Variants in DACH1 observed in about 807,000 individuals in gnomAD.
DACH1 encodes dachshund homolog 1.
DACH1 carries 12 observed loss-of-function variants against 54.2 expected under a neutral mutation model. The ratio of observed to expected loss-of-function variants is 0.22; its 90% confidence interval spans 0.14 to 0.36. The LOEUF (loss-of-function observed/expected upper bound fraction) is 0.36. Among genes scored for constraint, DACH1 ranks in the 10% least tolerant of loss-of-function variants. The pLI, the probability that DACH1 is intolerant of heterozygous loss-of-function variation, is 1.00. For synonymous variants in DACH1, 386 were observed against 366.2 expected, an observed-to-expected ratio of 1.05 and a Z score of -0.62; for missense variants, 805 against 929.8, an observed-to-expected ratio of 0.87 and a Z score of 1.75.
At chr13:71,865,183 C>T (rs1593665485) in intron 1 of DACH1, among the ~76,000 whole-genome samples, 1 of 152,148 alleles carries the variant, frequency 6.6e-6, no homozygotes, top group East Asian at 2.0e-4. Flanking sequence ...CGCACTCGCT[C>T]ACACGCGGAC....
intron 7 of DACH1, among the ~76,000 whole-genome samples, chr13:71,485,493 AT>A (rs1269080621): frequency 2.7e-5 from 4 of 147,292 alleles, no homozygotes; most frequent in Admixed American, 6.8e-5. Flanking sequence ...TTTAAATATA[AT>A]TTTTTATATA....
chr13:71,698,140 C>T (rs1288924936), intron 1 of DACH1, among the ~76,000 whole-genome samples: 1 of 151,970 alleles, frequency 6.6e-6, no homozygotes, highest in Non-Finnish European at 1.5e-5. Flanking sequence ...TACAGTGAGC[C>T]GCGCCACTGC....
Position 71,439,307 on chromosome 13 carries a change from T to G in DACH1, c.*1348A>C, listed in dbSNP as rs1354100018. 1 of 152,448 alleles carries G rather than the reference T, an allele frequency of 6.6e-6. No individual in the cohort carries two copies. The highest frequency in any genetic ancestry group is 2.4e-5 in the African/African-American group (1 of 41,446). 9.4% of individuals were successfully genotyped at this position (152,448 alleles called of 1,614,324 possible). On this transcript the variant is annotated 3_prime_UTR_variant, in exon 11 of 11. Transcript: ENST00000613252. ...GGTAACTTTAGCATGTAATAAGCACTGTTTGCCGCTTTACTTCCAGTTATC... is the reference window on the plus strand; with the variant it reads ...GGTAACTTTAGCATGTAATAAGCACGGTTTGCCGCTTTACTTCCAGTTATC...
intron 6 of DACH1, among the ~76,000 whole-genome samples, chr13:71,506,689 T>A (rs1172994552): frequency 6.6e-6 from 1 of 152,100 alleles, no homozygotes; most frequent in Non-Finnish European, 1.5e-5. Context: ...AGCAGCATGG[T>A]ACTGGTACCA....
At chr13:71,849,879 C>G (rs1191499309) in intron 1 of DACH1, among the ~76,000 whole-genome samples, 4 of 152,162 alleles carry the variant, frequency 2.6e-5, no homozygotes, top group African/African-American at 9.7e-5. Flanking sequence ...AGACAAATGA[C>G]TTGTATTACT....
chr13:71,444,813 C>T (rs1874304085), intron 10 of DACH1, among the ~76,000 whole-genome samples: 1 of 152,104 alleles, frequency 6.6e-6, no homozygotes, highest in South Asian at 2.1e-4. Context: ...TCAGTCTTAT[C>T]TTTTACTTCC....
At chr13:71,530,172 A>G (rs1019688052) in intron 6 of DACH1, among the ~76,000 whole-genome samples, 24 of 152,210 alleles carry the variant, frequency 1.6e-4, no homozygotes, top group Admixed American at 1.5e-3. Context: ...CTTTGTGGAC[A>G]TATATGACTT....
chr13:71,843,838 G>A (rs936857484), intron 1 of DACH1, among the ~76,000 whole-genome samples: 4 of 152,200 alleles, frequency 2.6e-5, no homozygotes, highest in Admixed American at 2.0e-4. Context: ...AAGAGGATAT[G>A]TTTATGGTGC....
chr13:71,499,045 A>G (rs1879679285), intron 6 of DACH1, among the ~76,000 whole-genome samples: 2 of 151,900 alleles, frequency 1.3e-5, no homozygotes, highest in African/African-American at 4.8e-5. Flanking sequence ...TCCTTTGACA[A>G]TTTGAAATTT....
At position 71,656,662 on chromosome 13, in the gene DACH1, T is replaced by C. The variant is rs183170455; in HGVS notation, c.964+25133A>G. 4.2e-3 allele frequency among the ~76,000 whole-genome samples: 635 copies of C among 151,966 alleles called. 3 individuals carry two copies. The highest frequency in any genetic ancestry group is 0.015 in the African/African-American group (605 of 41,502). On this transcript the variant is annotated intron_variant, in intron 2 of 10. Coordinates refer to ENST00000613252, the MANE Select transcript of DACH1 (RefSeq NM_080759.6). ...AGTTCCTTTGCATAGGCTGTCATCC[T>C]ATCTCTATAATGCTGACAAATTAGC...
At chr13:71,621,574 G>A (rs1876237428) in intron 3 of DACH1, among the ~76,000 whole-genome samples, 2 of 151,882 alleles carry the variant, frequency 1.3e-5, no homozygotes, top group South Asian at 2.1e-4. Context: ...AATAAAAAAG[G>A]CTTTCTAACC....
At chr13:71,556,326 T>TA (rs1884247939) in intron 6 of DACH1, among the ~76,000 whole-genome samples, 1 of 152,078 alleles carries the variant, frequency 6.6e-6, no homozygotes, top group Non-Finnish European at 1.5e-5. Flanking sequence ...TAAGTTAAAA[T>TA]AAAAAATAGG....
At chr13:71,864,167 G>A (rs969250326) in intron 1 of DACH1, among the ~76,000 whole-genome samples, 39 of 94,018 alleles carry the variant, frequency 4.1e-4, no homozygotes, top group African/African-American at 1.7e-3. Flanking sequence ...ACTTTTGAGC[G>A]CGCGCGCGCA....
At chr13:71,573,445 G>A (rs1169232872) in intron 3 of DACH1, 2 of 716,874 alleles carry the variant, frequency 2.8e-6, no homozygotes, top group Non-Finnish European at 5.2e-6. Flanking sequence ...CTCTGCTGAA[G>A]ATGGTTGAGA....
At chr13:71,648,944 A>T (rs1878488522) in intron 2 of DACH1, among the ~76,000 whole-genome samples, 1 of 152,100 alleles carries the variant, frequency 6.6e-6, no homozygotes, top group Non-Finnish European at 1.5e-5. Flanking sequence ...TAATAACATA[A>T]ATCCACCCCT....
At chr13:71,529,902 A>T (rs1439470168) in intron 6 of DACH1, among the ~76,000 whole-genome samples, 5 of 152,234 alleles carry the variant, frequency 3.3e-5, no homozygotes, top group African/African-American at 1.2e-4. Context: ...GTAAGCAATG[A>T]AAGTCAAATT....
At chr13:71,777,906 CA>C (rs1886129538) in intron 1 of DACH1, among the ~76,000 whole-genome samples, 1 of 151,726 alleles carries the variant, frequency 6.6e-6, no homozygotes, top group African/African-American at 2.4e-5. Context: ...TGCTTGAACC[CA>C]AAAGTTTGAG....
intron 7 of DACH1, among the ~76,000 whole-genome samples, chr13:71,481,601 A>G (rs1878032658): frequency 6.6e-6 from 1 of 152,212 alleles, no homozygotes; most frequent in Admixed American, 6.5e-5. Context: ...TATAAGCTAT[A>G]TAAAATTAAA....
intron 6 of DACH1, among the ~76,000 whole-genome samples, chr13:71,491,775 T>C (rs1009952458): frequency 5.9e-5 from 9 of 152,170 alleles, no homozygotes; most frequent in African/African-American, 2.2e-4. Context: ...AGATTTCGTT[T>C]AGCTCTTCCT....
Sources: gnomAD v4.1 joint callset for allele counts (sites outside exome capture counted in the v4.1 genomes callset) on GRCh38, gnomAD v4.1.1 for gene constraint, MANE v1.5 for transcripts, NCBI Gene and HGNC (gene_info 2026-07-23, HGNC 2026-07-21) for gene names.